The following SPECC1L variants were observed in gnomAD, a reference collection of about 807,000 sequenced individuals.
SPECC1L encodes the protein sperm antigen with calponin homology and coiled-coil domains 1 like.
A neutral mutation model predicts 116.8 loss-of-function variants in SPECC1L; 40 were observed. That is an observed-to-expected ratio of 0.34 (90% CI 0.27 to 0.45). The LOEUF (loss-of-function observed/expected upper bound fraction) is 0.45. Among genes scored for constraint, SPECC1L ranks in the 20% least tolerant of loss-of-function variants. SPECC1L has a pLI of 1.00. For missense variants in SPECC1L, 1,110 were observed against 1,373.6 expected (o/e 0.81, Z 3.03); for synonymous variants, 504 against 500.6 (o/e 1.01, Z -0.09).
chr22:24,342,672 C>CAAAA (rs35947804), intron 10 of SPECC1L, among the ~76,000 whole-genome samples: 10 of 102,184 alleles, frequency 9.8e-5, no homozygotes, highest in African/African-American at 3.2e-4. Context: ...GACTCCATCT[C>CAAAA]AAAAAAAAAA....
chr22:24,393,256 C>T (rs528297568), intron 14 of SPECC1L, among the ~76,000 whole-genome samples: 1 of 152,292 alleles, frequency 6.6e-6, no homozygotes, highest in South Asian at 2.1e-4. Flanking sequence ...AATAATGTGA[C>T]AGTGACCTGA....
chr22:24,387,001 C>T (rs555183547), intron 14 of SPECC1L, among the ~76,000 whole-genome samples: 1 of 152,146 alleles, frequency 6.6e-6, no homozygotes, highest in Non-Finnish European at 1.5e-5. Context: ...ATTTAAAAAG[C>T]TGATAACACC....
rs1387631916 is a variant in SPECC1L, at chr22:24,322,770, A to C, written c.1790A>C (p.His597Pro). ...KQKVAELYSI[H>P]NSGDKSDIQD... ...AAAGTGGCAGAGCTGTATTCTATCCATAACTCTGGAGACAAATCTGATATT... is the reference window on the plus strand; with the variant it reads ...AAAGTGGCAGAGCTGTATTCTATCCCTAACTCTGGAGACAAATCTGATATT... Residue 597 changes from histidine (H) to proline (P), a missense_variant, in exon 5 of 17, where the codon CAT becomes CCT. His to Pro is a moderately conservative substitution (Grantham distance 77). Coordinates refer to ENST00000314328, the MANE Select transcript of SPECC1L (RefSeq NM_015330.6). 1 of 1,584,332 alleles carries C rather than the reference A, an allele frequency of 6.3e-7. No individual in the cohort carries two copies. Among genetic ancestry groups the C allele is most frequent in the Admixed American group, 1.8e-5 (1 of 55,534 alleles).
At chr22:24,306,989 G>A (rs952814014) in intron 3 of SPECC1L, among the ~76,000 whole-genome samples, 4 of 152,098 alleles carry the variant, frequency 2.6e-5, no homozygotes, top group Admixed American at 1.3e-4. Flanking sequence ...AATTCCTTCC[G>A]TTTTTAAGGC....
chr22:24,289,924 A>C (rs561999734), intron 2 of SPECC1L, among the ~76,000 whole-genome samples: 1 of 152,278 alleles, frequency 6.6e-6, no homozygotes, highest in South Asian at 2.1e-4. Context: ...TGGCAACATC[A>C]ACAAAGTGTC....
At chr22:24,292,378 T>C (rs1364201782) in intron 2 of SPECC1L, among the ~76,000 whole-genome samples, 1 of 152,216 alleles carries the variant, frequency 6.6e-6, no homozygotes, top group Non-Finnish European at 1.5e-5. Flanking sequence ...CCATTTTTCC[T>C]TTGACCTTTG....
intron 13 of SPECC1L, among the ~76,000 whole-genome samples, chr22:24,368,523 G>A (rs2041814615): frequency 1.3e-5 from 2 of 152,136 alleles, no homozygotes; most frequent in Admixed American, 1.3e-4. Context: ...CCCCATTGTA[G>A]ACTTCTTAAA....
At chr22:24,361,133 C>A (rs560337821) in intron 11 of SPECC1L, among the ~76,000 whole-genome samples, 2 of 152,304 alleles carry the variant, frequency 1.3e-5, no homozygotes, top group African/African-American at 4.8e-5. Context: ...CTTGGTGGCT[C>A]ATGCCTGTAA....
intron 11 of SPECC1L, among the ~76,000 whole-genome samples, chr22:24,359,830 G>A (rs751482013): frequency 1.3e-5 from 2 of 152,120 alleles, no homozygotes; most frequent in Non-Finnish European, 2.9e-5. Context: ...TCTCAACTTT[G>A]CTGTCATTTC....
In SPECC1L at chr22:24,404,592, A is replaced by G. The variant is rs563842523; in HGVS notation, c.3088-6996A>G. ...AGCTGCCAAGTATCTCTGGAGCCCT[A>G]CATCTCCCACCCACCACTCCAGCCC... is the stretch of plus-strand genomic sequence containing the variant. On this transcript the variant is annotated intron_variant, in intron 14 of 16. Coordinates refer to ENST00000314328, the MANE Select transcript of SPECC1L (RefSeq NM_015330.6). Among the ~76,000 whole-genome samples the G allele has an allele frequency of 1.9e-3, 290 of 152,178 alleles. 4 individuals are homozygous for G. The highest frequency in any genetic ancestry group is 6.6e-3 in the African/African-American group (272 of 41,510).
intron 3 of SPECC1L, among the ~76,000 whole-genome samples, chr22:24,310,451 CT>C (rs1268807162): frequency 6.6e-6 from 1 of 152,240 alleles, no homozygotes; most frequent in Non-Finnish European, 1.5e-5. Flanking sequence ...TTTCATAAGG[CT>C]TATGTCAAGG....
chr22:24,335,670 CT>C lies in SPECC1L; in HGVS notation c.2560+1100del, dbSNP rs772654445. Among the ~76,000 whole-genome samples the C allele has an allele frequency of 5.4e-4, 82 of 152,246 alleles. 2 individuals carry two copies. The highest frequency in any genetic ancestry group is 3.0e-3 in the Admixed American group (46 of 15,294). On this transcript the variant is annotated intron_variant, in intron 9 of 16. Coordinates refer to ENST00000314328, the MANE Select transcript of SPECC1L (RefSeq NM_015330.6). ...TTATACACAAATGAGTTTTCATTGA[CT>C]TTAAAAGCAGAGCAAAAGTCACATG...
chr22:24,326,161 C>A (rs1056858282), intron 6 of SPECC1L, among the ~76,000 whole-genome samples: 2 of 152,194 alleles, frequency 1.3e-5, no homozygotes, highest in Non-Finnish European at 2.9e-5. Context: ...CCACGTTGGC[C>A]AGGCTGGTCT....
intron 15 of SPECC1L, among the ~76,000 whole-genome samples, 177 bp downstream of exon 15, chr22:24,411,881 C>T (rs1461866458): frequency 2.0e-5 from 3 of 152,256 alleles, no homozygotes; most frequent in African/African-American, 7.2e-5. Flanking sequence ...CCCTGTCCCA[C>T]CTTGTGTGGA....
chr22:24,390,867 C>CTTTTG, intron 14 of SPECC1L, among the ~76,000 whole-genome samples: 1 of 47,612 alleles, frequency 2.1e-5, no homozygotes, highest in East Asian at 6.2e-4. Flanking sequence ...TTTTTTTTTT[C>CTTTTG]TTTTCTTTTT....
At chr22:24,328,733 C>G in intron 6 of SPECC1L, 113 bp from the exon 7 acceptor site, 2 of 786,636 alleles carry the variant, frequency 2.5e-6, no homozygotes, top group South Asian at 3.2e-5. Flanking sequence ...TTTTTATAGT[C>G]TTTGGACAGG....
intron 2 of SPECC1L, among the ~76,000 whole-genome samples, chr22:24,294,846 A>C (rs577011924): frequency 1.3e-3 from 197 of 152,344 alleles, no homozygotes; most frequent in African/African-American, 4.5e-3. Context: ...ATCCTCCCAC[A>C]GTAGACTCTT....
At chr22:24,396,547 C>A (rs2042372881) in intron 14 of SPECC1L, among the ~76,000 whole-genome samples, 1 of 152,224 alleles carries the variant, frequency 6.6e-6, no homozygotes, top group Admixed American at 6.5e-5. Flanking sequence ...ATTCACCCAT[C>A]TCGGCCTCCC....
intron 4 of SPECC1L, among the ~76,000 whole-genome samples, chr22:24,317,790 T>C: frequency 6.7e-6 from 1 of 148,864 alleles, no homozygotes; most frequent in Non-Finnish European, 1.5e-5. Flanking sequence ...GCGGAGGGGC[T>C]CCTCACTTCT....
Sources: gnomAD v4.1 joint callset for allele counts (sites outside exome capture counted in the v4.1 genomes callset) on GRCh38, gnomAD v4.1.1 for gene constraint, MANE v1.5 for transcripts, NCBI Gene and HGNC (gene_info 2026-07-23, HGNC 2026-07-21) for gene names.